Variants in MARCHF11 observed in about 807,000 individuals in gnomAD.
MARCHF11 encodes the protein E3 ubiquitin-protein ligase MARCHF11.
MARCHF11 carries 29 observed loss-of-function variants against 37.3 expected under a neutral mutation model. The ratio of observed to expected loss-of-function variants is 0.78; its 90% CI spans 0.58 to 1.06. The LOEUF (loss-of-function observed/expected upper bound fraction) is 1.06. Ranked by LOEUF, MARCHF11 falls within the 50% of genes least tolerant of loss-of-function variation. The pLI is 0.00. For missense variants in MARCHF11, 482 were observed against 533.4 expected, an observed-to-expected ratio of 0.90 and a Z score of 0.95; for synonymous variants, 233 against 228.0, an observed-to-expected ratio of 1.02 and a Z score of -0.20.
At chr5:16,091,198 A>AC (rs1321834464) in intron 2 of MARCHF11, 117 bp from the exon 3 acceptor site, 6 of 704,614 alleles carry the variant, frequency 8.5e-6, no homozygotes, top group African/African-American at 1.8e-5. Context: ...ATCTGATGAG[A>AC]CCCCAAATGA....
At position 16,132,881 on chromosome 5, in the gene MARCHF11, A is replaced by G. The variant is rs557566377; in HGVS notation, c.694-41800T>C. Among the ~76,000 whole-genome samples, 427 of 152,328 alleles carry G rather than the reference A, an allele frequency of 2.8e-3. 3 individuals are homozygous for G. The highest frequency in any genetic ancestry group is 3.9e-3 in the South Asian group (19 of 4,830). On this transcript the variant is annotated intron_variant, in intron 2 of 3. Coordinates refer to ENST00000332432, the MANE Select transcript of MARCHF11 (RefSeq NM_001102562.3). ...AATAATTGCAAGAAAATAATAAAAC[A>G]TAATAGGCAAATCAAAATTCACACT... is the stretch of plus-strand genomic sequence containing the variant.
intron 2 of MARCHF11, among the ~76,000 whole-genome samples, chr5:16,136,542 C>CA (rs1386906705): frequency 6.6e-6 from 1 of 151,890 alleles, no homozygotes; most frequent in Non-Finnish European, 1.5e-5. Context: ...TGCATTCAAA[C>CA]AAAAAATGAA....
intron 1 of MARCHF11, among the ~76,000 whole-genome samples, 186 bp downstream of exon 1, chr5:16,178,853 T>C (rs1738409667): frequency 6.6e-6 from 1 of 152,130 alleles, no homozygotes; most frequent in South Asian, 2.1e-4. Context: ...CACTGGGACA[T>C]TTCTATTTGC....
chr5:16,085,309 A>G (rs941503670), intron 3 of MARCHF11, among the ~76,000 whole-genome samples: 1 of 152,126 alleles, frequency 6.6e-6, no homozygotes, highest in Non-Finnish European at 1.5e-5. Context: ...GTGTTTACAG[A>G]TTAGAGCTCG....
At chr5:16,119,059 C>A (rs1050947442) in intron 2 of MARCHF11, among the ~76,000 whole-genome samples, 3 of 152,010 alleles carry the variant, frequency 2.0e-5, no homozygotes, top group Non-Finnish European at 4.4e-5. Flanking sequence ...TAGCGAGAGA[C>A]ACTTAAGAGT....
intron 2 of MARCHF11, among the ~76,000 whole-genome samples, chr5:16,170,376 TAA>T (rs35108250): frequency 1.0e-3 from 157 of 151,736 alleles, no homozygotes; most frequent in Non-Finnish European, 1.9e-3. Flanking sequence ...GAAGCTTTTA[TAA>T]AAAAAAATTC....
intron 2 of MARCHF11, among the ~76,000 whole-genome samples, chr5:16,146,949 G>A (rs148114742): frequency 6.6e-6 from 1 of 152,248 alleles, no homozygotes; most frequent in East Asian, 1.9e-4. Flanking sequence ...ATCTTAAAGA[G>A]ACTGAGATAG....
intron 2 of MARCHF11, among the ~76,000 whole-genome samples, chr5:16,132,983 G>A (rs1737543340): frequency 6.6e-6 from 1 of 152,112 alleles, no homozygotes; most frequent in Non-Finnish European, 1.5e-5. Flanking sequence ...AAATCTTCAT[G>A]TACTTAATCA....
chr5:16,105,326 T>C (rs1157660946), intron 2 of MARCHF11, among the ~76,000 whole-genome samples: 1 of 152,228 alleles, frequency 6.6e-6, no homozygotes, highest in African/African-American at 2.4e-5. Context: ...GGATACCTTC[T>C]CATATTTTAT....
At chr5:16,175,129 C>T (rs1199888118) in intron 2 of MARCHF11, among the ~76,000 whole-genome samples, 4 of 152,320 alleles carry the variant, frequency 2.6e-5, no homozygotes, top group Middle Eastern at 6.8e-3. Context: ...AGCAAGCCTT[C>T]TTGGATGTTC....
At chr5:16,167,856 G>A (rs1738196151) in intron 2 of MARCHF11, among the ~76,000 whole-genome samples, 1 of 152,006 alleles carries the variant, frequency 6.6e-6, no homozygotes, top group Non-Finnish European at 1.5e-5. Flanking sequence ...TGTAGTAGTG[G>A]TTAACGTGTT....
chr5:16,129,031 A>C (rs778116418), intron 2 of MARCHF11: 6 of 152,172 alleles, frequency 3.9e-5, no homozygotes, highest in Non-Finnish European at 7.3e-5. Flanking sequence ...TTATGCAAAG[A>C]AGTCCCACTA....
At chr5:16,120,395 C>G (rs1435286055) in intron 2 of MARCHF11, among the ~76,000 whole-genome samples, 1 of 152,210 alleles carries the variant, frequency 6.6e-6, no homozygotes, top group African/African-American at 2.4e-5. Flanking sequence ...ATAGCCCCCT[C>G]TACCTAGTCA....
At chr5:16,143,198 T>A (rs1443324640) in intron 2 of MARCHF11, among the ~76,000 whole-genome samples, 1 of 152,194 alleles carries the variant, frequency 6.6e-6, no homozygotes, top group Admixed American at 6.5e-5. Context: ...GTGACCCCTC[T>A]GCTCTGTCTC....
In MARCHF11 at chr5:16,067,775, C is replaced by T; in HGVS notation, c.905G>A (p.Gly302Glu). 6.2e-7 allele frequency: 1 copy of T among 1,610,450 alleles called. No individual in the cohort carries two copies. The change falls in exon 4 of 4, where the codon GGA becomes GAA. Residue 302 changes from glycine (G) to glutamate (E), a missense_variant. By Grantham distance (98) the Gly-to-Glu change is moderately conservative (BLOSUM62 -2). Transcript: ENST00000332432. Reference sequence around the variant, plus strand: ...CTTAAACACTCTGTAAACTGCAGCTCCTTCATGAACAATGAGACCTAAAAT... The same window carrying T: ...CTTAAACACTCTGTAAACTGCAGCTTCTTCATGAACAATGAGACCTAAAAT... ...LVCIGLIVHE[G>E]AAVYRVFKRW...
intron 3 of MARCHF11, among the ~76,000 whole-genome samples, chr5:16,090,105 A>G (rs1387172500): frequency 6.6e-6 from 1 of 152,140 alleles, no homozygotes; most frequent in Non-Finnish European, 1.5e-5. Flanking sequence ...GCCACATCAG[A>G]GCAGGAAAAT....
At chr5:16,095,971 A>G (rs1314945976) in intron 2 of MARCHF11, among the ~76,000 whole-genome samples, 1 of 152,208 alleles carries the variant, frequency 6.6e-6, no homozygotes, top group Non-Finnish European at 1.5e-5. Context: ...CATTCTCTGC[A>G]TCCATCCCAT....
chr5:16,072,491 GCTCT>G (rs557932082), intron 3 of MARCHF11, among the ~76,000 whole-genome samples: 13 of 142,500 alleles, frequency 9.1e-5, no homozygotes, highest in Non-Finnish European at 6.0e-5. Flanking sequence ...AGACATCAGT[GCTCT>G]CTCTCTCTCT....
intron 2 of MARCHF11, among the ~76,000 whole-genome samples, chr5:16,112,410 G>C (rs1313066767): frequency 2.6e-5 from 4 of 152,166 alleles, no homozygotes. Flanking sequence ...AGATCATTTT[G>C]GAGCTTCAAG....
Sources: gnomAD v4.1 joint callset for allele counts (sites outside exome capture counted in the v4.1 genomes callset) on GRCh38, gnomAD v4.1.1 for gene constraint, MANE v1.5 for transcripts, NCBI Gene and HGNC (gene_info 2026-07-23, HGNC 2026-07-21) for gene names.